Variants in RIN2 observed in about 807,000 individuals in gnomAD.
The protein encoded by RIN2 is RAB5 interacting protein 2.
Under a neutral mutation model 78.0 loss-of-function variants are expected in RIN2, and 36 were observed. The ratio of observed to expected loss-of-function variants is 0.46; its 90% CI spans 0.35 to 0.61. The LOEUF is 0.61. Among genes scored for constraint, RIN2 ranks in the 20% least tolerant of loss-of-function variants. The pLI is 0.00. For missense variants in RIN2, 1,087 were observed against 1,159.7 expected, an observed-to-expected ratio of 0.94 and a Z score of 0.91; for synonymous variants, 466 against 466.8, an observed-to-expected ratio of 1.00 and a Z score of 0.02.
At chr20:19,862,999 T>G (rs549509600) in intron 2 of RIN2, among the ~76,000 whole-genome samples, 11 of 152,358 alleles carry the variant, frequency 7.2e-5, no homozygotes, top group African/African-American at 2.6e-4. Context: ...TTTTCTCTCT[T>G]CTTTCACCCT....
At chr20:19,983,604 A>C (rs187866890) in intron 9 of RIN2, among the ~76,000 whole-genome samples, 1,627 of 76,380 alleles carry the variant, frequency 0.021, 26 homozygotes, top group African/African-American at 0.044. Context: ...TTACCTTTTT[A>C]AAAAAAAATC....
chr20:19,935,334 T>G, intron 4 of RIN2, 135 bp downstream of exon 4: 1 of 1,247,580 alleles, frequency 8.0e-7, no homozygotes, highest in Non-Finnish European at 1.1e-6. Context: ...GATGAAATCC[T>G]CTGTAGGAGG....
At position 19,758,323 on chromosome 20, in the gene RIN2, G is replaced by C. The variant is rs1457354172; in HGVS notation, c.-167G>C. ...TCCGGGACCTGCGGGGAGGGCCCGC[G>C]AGAGGTAAGGGGCGGTGGCAGCGGA... On this transcript the variant is annotated 5_prime_UTR_variant, in exon 1 of 13. Transcript: ENST00000255006. The C allele has an allele frequency of 6.6e-6, 1 of 152,270 alleles. No individual in the cohort carries two copies. Among genetic ancestry groups the C allele is most frequent in the African/African-American group, 2.4e-5 (1 of 41,452 alleles). 9.4% of individuals were successfully genotyped at this position (152,270 alleles called of 1,614,324 possible). A position where few individuals can be genotyped will look rare whatever the true frequency, so the allele number is the denominator to read the frequency against.
intron 9 of RIN2, among the ~76,000 whole-genome samples, chr20:19,985,542 T>A (rs753982848): frequency 6.6e-6 from 1 of 152,166 alleles, no homozygotes; most frequent in Non-Finnish European, 1.5e-5. Context: ...GTTCAAACGA[T>A]TTTTTACTAT....
At chr20:19,842,556 A>C (rs942444456) in intron 2 of RIN2, among the ~76,000 whole-genome samples, 2 of 151,986 alleles carry the variant, frequency 1.3e-5, no homozygotes, top group African/African-American at 4.8e-5. Context: ...ATCTGTTTAC[A>C]GGATGGTTTA....
intron 3 of RIN2, among the ~76,000 whole-genome samples, chr20:19,927,639 TC>T (rs2040276904): frequency 6.6e-6 from 1 of 152,004 alleles, no homozygotes; most frequent in South Asian, 2.1e-4. Flanking sequence ...GGTCTGAAAC[TC>T]CTGAGTTCAG....
At position 19,798,141 on chromosome 20, in the gene RIN2, A is replaced by G. The variant is rs556241905; in HGVS notation, c.-162-1481A>G. ...GCTGGGATTACAGGTGTGAGCCACCACGCCCGGCCTATTCTACTTAATCTT... is the reference window on the plus strand; with the variant it reads ...GCTGGGATTACAGGTGTGAGCCACCGCGCCCGGCCTATTCTACTTAATCTT... On this transcript the variant is annotated intron_variant, in intron 1 of 12. Coordinates refer to ENST00000255006, the MANE Select transcript of RIN2 (RefSeq NM_018993.4). 1.1e-4 allele frequency among the ~76,000 whole-genome samples: 17 copies of G among 152,170 alleles called. 1 individual carries two copies. Among genetic ancestry groups the G allele is most frequent in the African/African-American group, 4.1e-4 (17 of 41,546 alleles).
At chr20:19,777,665 G>A (rs1200970306) in intron 1 of RIN2, among the ~76,000 whole-genome samples, 1 of 152,236 alleles carries the variant, frequency 6.6e-6, no homozygotes, top group East Asian at 1.9e-4. Context: ...ATTTCTGGCT[G>A]AGACGAGATC....
chr20:19,911,309 T>C (rs1310818906), intron 3 of RIN2, among the ~76,000 whole-genome samples: 1 of 152,198 alleles, frequency 6.6e-6, no homozygotes, highest in Non-Finnish European at 1.5e-5. Context: ...CGCCTTGGCC[T>C]CCCAAAGTGC....
chr20:19,841,333 T>C (rs1210199510), intron 2 of RIN2, among the ~76,000 whole-genome samples: 4 of 152,114 alleles, frequency 2.6e-5, no homozygotes, highest in Admixed American at 2.6e-4. Context: ...AGTGCTGGCT[T>C]GAACATGAAT....
intron 4 of RIN2, among the ~76,000 whole-genome samples, chr20:19,953,080 A>G (rs1345162884): frequency 2.0e-5 from 3 of 152,174 alleles, no homozygotes; most frequent in East Asian, 1.9e-4. Context: ...CAAGTTTGAC[A>G]AATACTGATC....
chr20:19,806,844 G>GCCATGATTGCACCACTGCACT (rs74180960), intron 2 of RIN2, among the ~76,000 whole-genome samples: 16,396 of 152,246 alleles, frequency 0.11, 952 homozygotes, highest in South Asian at 0.18. Context: ...GCTACAGTGA[G>GCCATGATTGCACCACTGCACT]CCAGCCTGGG....
chr20:19,991,495 A>C (rs2042796127), intron 10 of RIN2, among the ~76,000 whole-genome samples: 1 of 152,208 alleles, frequency 6.6e-6, no homozygotes, highest in Non-Finnish European at 1.5e-5. Context: ...TGTCATCTGC[A>C]TCCCCACCCT....
chr20:19,803,809 T>C (rs2035320045), intron 2 of RIN2, among the ~76,000 whole-genome samples: 1 of 152,182 alleles, frequency 6.6e-6, no homozygotes, highest in African/African-American at 2.4e-5. Context: ...TTTCACAATA[T>C]TGATTCTTCC....
chr20:19,779,004 T>G (rs769861209), intron 1 of RIN2, among the ~76,000 whole-genome samples: 2 of 152,116 alleles, frequency 1.3e-5, no homozygotes, highest in Non-Finnish European at 2.9e-5. Flanking sequence ...GGTAGAAATG[T>G]CCACAAGGAA....
chr20:19,842,400 T>TTTC (rs2036608654), intron 2 of RIN2, among the ~76,000 whole-genome samples: 1 of 124,362 alleles, frequency 8.0e-6, no homozygotes, highest in African/African-American at 3.2e-5. Flanking sequence ...TTTTTTTTTT[T>TTTC]TTTTTTTTTT....
chr20:19,914,002 C>A (rs555631704), intron 3 of RIN2, among the ~76,000 whole-genome samples: 2 of 152,122 alleles, frequency 1.3e-5, no homozygotes, highest in Non-Finnish European at 2.9e-5. Context: ...TGCACACGTG[C>A]GTTGTGATGG....
chr20:19,853,719 G>T (rs1485425829), intron 2 of RIN2, among the ~76,000 whole-genome samples: 1 of 151,912 alleles, frequency 6.6e-6, no homozygotes, highest in Non-Finnish European at 1.5e-5. Flanking sequence ...TGCCCACTTT[G>T]TGATGGGGTT....
chr20:19,997,095 C>T (rs1373586557), intron 12 of RIN2, among the ~76,000 whole-genome samples: 1 of 152,122 alleles, frequency 6.6e-6, no homozygotes, highest in Admixed American at 6.6e-5. Flanking sequence ...CCCAATCAAG[C>T]AGACGATAAG....
Sources: gnomAD v4.1 joint callset for allele counts (sites outside exome capture counted in the v4.1 genomes callset) on GRCh38, gnomAD v4.1.1 for gene constraint, MANE v1.5 for transcripts, NCBI Gene and HGNC (gene_info 2026-07-23, HGNC 2026-07-21) for gene names.